The following SLCO5A1 variants were observed in gnomAD, a reference collection of about 807,000 sequenced individuals.
The protein encoded by SLCO5A1 is solute carrier organic anion transporter family member 5A1, also known as organic anion transporter polypeptide-related protein 4.
Under a neutral mutation model 65.1 loss-of-function variants are expected in SLCO5A1, and 39 were observed. The observed-to-expected ratio is 0.60, with a 90% confidence interval of 0.46 to 0.78. The LOEUF (loss-of-function observed/expected upper bound fraction) is 0.78. Ranked by LOEUF, SLCO5A1 falls within the 30% of genes least tolerant of loss-of-function variation. The pLI is 0.00. For synonymous variants in SLCO5A1, 438 were observed against 415.7 expected, an observed-to-expected ratio of 1.05 and a Z score of -0.65; for missense variants, 1,029 against 1,069.4, an observed-to-expected ratio of 0.96 and a Z score of 0.53.
intron 4 of SLCO5A1, among the ~76,000 whole-genome samples, chr8:69,753,235 A>G (rs535354132): frequency 3.9e-5 from 6 of 152,288 alleles, no homozygotes; most frequent in East Asian, 3.9e-4. Context: ...CACGAAAGAC[A>G]CAGAAACACA....
chr8:69,728,278 A>G (rs1232084608), intron 5 of SLCO5A1, among the ~76,000 whole-genome samples: 3 of 152,152 alleles, frequency 2.0e-5, no homozygotes, highest in Non-Finnish European at 4.4e-5. Flanking sequence ...AGGATAAACT[A>G]ATGTTTTAAA....
At chr8:69,816,753 T>C (rs758657507) in intron 2 of SLCO5A1, among the ~76,000 whole-genome samples, 1 of 152,196 alleles carries the variant, frequency 6.6e-6, no homozygotes, top group Non-Finnish European at 1.5e-5. Flanking sequence ...CTATTTCTTC[T>C]TTTTAAAATT....
intron 2 of SLCO5A1, among the ~76,000 whole-genome samples, chr8:69,767,218 G>A (rs560138693): frequency 6.6e-6 from 1 of 152,312 alleles, no homozygotes; most frequent in South Asian, 2.1e-4. Context: ...AGGCAATGGA[G>A]TGCCCACTCC....
At chr8:69,772,655 A>AAAGGAAAGGG (rs1563715542) in intron 2 of SLCO5A1, among the ~76,000 whole-genome samples, 2 of 150,866 alleles carry the variant, frequency 1.3e-5, no homozygotes, top group Non-Finnish European at 3.0e-5. Context: ...AAAGGAAAGG[A>AAAGGAAAGGG]AAAGAAATGA....
Position 69,832,140 on chromosome 8 carries a change from G to C in SLCO5A1, c.534C>G (p.Asn178Lys). 1 of 1,614,130 alleles carries C rather than the reference G, an allele frequency of 6.2e-7. No homozygotes were observed. The highest frequency in any genetic ancestry group is 8.5e-7 in the Non-Finnish European group (1 of 1,180,040). ...GLLVSCFDIG[N>K]LVVVVFVSYF... is the part of the protein sequence containing the mutation. The stretch of plus-strand genomic sequence containing the variant: ...AGCTGACGAACACCACCACCACCAG[G>C]TTCCCGATGTCAAAGCAGCTGACCA... The change falls in exon 2 of 10, where the codon AAC becomes AAG. Residue 178 changes from asparagine (N) to lysine (K), a missense_variant. Physicochemically the swap from Asn to Lys is moderately conservative, Grantham distance 94 (BLOSUM62 0). Transcript: ENST00000260126. This position sits in a 1 kb window ranked among gnomAD's most constrained non-coding sequence, Gnocchi z 4.5.
intron 5 of SLCO5A1, among the ~76,000 whole-genome samples, chr8:69,723,758 A>C (rs1253521482): frequency 6.6e-6 from 1 of 150,552 alleles, no homozygotes; most frequent in Non-Finnish European, 1.5e-5. Flanking sequence ...TTCGTTTAAC[A>C]ACAATTTTAG....
chr8:69,740,484 TAGA>T (rs746758802), intron 4 of SLCO5A1, among the ~76,000 whole-genome samples: 4 of 152,140 alleles, frequency 2.6e-5, no homozygotes, highest in Non-Finnish European at 5.9e-5. Flanking sequence ...ATAAATAGAT[TAGA>T]AGAAGATAGA....
intron 5 of SLCO5A1, among the ~76,000 whole-genome samples, chr8:69,710,019 C>A (rs921411227): frequency 8.1e-6 from 1 of 122,906 alleles, no homozygotes; most frequent in Non-Finnish European, 1.7e-5. Context: ...TCGGCAACAG[C>A]TTTTTTTTTT....
chr8:69,695,296 A>C (rs1324849019), intron 6 of SLCO5A1, among the ~76,000 whole-genome samples: 1 of 152,162 alleles, frequency 6.6e-6, no homozygotes, highest in African/African-American at 2.4e-5. Context: ...GGAGTTCAAG[A>C]CCAGCCTGGC....
intron 2 of SLCO5A1, among the ~76,000 whole-genome samples, chr8:69,805,091 G>A (rs1389901111): frequency 6.6e-6 from 1 of 151,716 alleles, no homozygotes. Flanking sequence ...GCAATGGAGT[G>A]CACATCCAAG....
At chr8:69,795,325 A>C (rs764104129) in intron 2 of SLCO5A1, among the ~76,000 whole-genome samples, 9 of 152,216 alleles carry the variant, frequency 5.9e-5, no homozygotes, top group Non-Finnish European at 1.0e-4. Flanking sequence ...ATCAAAAACA[A>C]GTTAGTTACT....
intron 2 of SLCO5A1, among the ~76,000 whole-genome samples, chr8:69,817,628 A>G (rs11783134): frequency 0.52 from 79,316 of 151,932 alleles, 20,904 homozygotes; most frequent in African/African-American, 0.59. Context: ...CCAAATTATC[A>G]TTTTCACAAA....
chr8:69,699,195 C>A (rs1814619925), intron 6 of SLCO5A1, among the ~76,000 whole-genome samples: 1 of 152,194 alleles, frequency 6.6e-6, no homozygotes. Flanking sequence ...CCTCATACTC[C>A]CTGTTTTCTG....
At chr8:69,808,168 T>C (rs897393824) in intron 2 of SLCO5A1, among the ~76,000 whole-genome samples, 71 of 152,106 alleles carry the variant, frequency 4.7e-4, no homozygotes, top group Non-Finnish European at 8.5e-4. Flanking sequence ...GAAAGCTTTT[T>C]TTTTTTTTTA....
At chr8:69,701,315 AC>A (rs1814726656) in intron 6 of SLCO5A1, among the ~76,000 whole-genome samples, 1 of 152,240 alleles carries the variant, frequency 6.6e-6, no homozygotes. Flanking sequence ...AGGCCCCCCA[AC>A]CAACTCAATG....
chr8:69,680,074 C>G (rs1813702021), intron 7 of SLCO5A1, among the ~76,000 whole-genome samples: 1 of 152,238 alleles, frequency 6.6e-6, no homozygotes, highest in South Asian at 2.1e-4. Context: ...ATTTATAGTG[C>G]AATCGTGATG....
intron 6 of SLCO5A1, among the ~76,000 whole-genome samples, chr8:69,702,315 C>G (rs1171093727): frequency 6.6e-6 from 1 of 152,190 alleles, no homozygotes; most frequent in African/African-American, 2.4e-5. Context: ...TAACATCACC[C>G]CAATTTACAG....
intron 2 of SLCO5A1, among the ~76,000 whole-genome samples, chr8:69,809,823 G>A (rs1820145620): frequency 6.6e-6 from 1 of 151,970 alleles, no homozygotes; most frequent in Non-Finnish European, 1.5e-5. Flanking sequence ...TTGCTAGGAT[G>A]GGTGAGCATT....
chr8:69,815,488 C>T (rs938461297), intron 2 of SLCO5A1, among the ~76,000 whole-genome samples: 2 of 151,974 alleles, frequency 1.3e-5, no homozygotes, highest in African/African-American at 4.8e-5. Context: ...CTTATAACTC[C>T]TCATTAAATC....
Sources: gnomAD v4.1 joint callset for allele counts (sites outside exome capture counted in the v4.1 genomes callset) on GRCh38, gnomAD v4.1.1 for gene constraint, Gnocchi (gnomAD v3.1) non-coding constraint, MANE v1.5 for transcripts, NCBI Gene and HGNC (gene_info 2026-07-23, HGNC 2026-07-21) for gene names.